Variants in TMEM131L observed in about 807,000 individuals in gnomAD.
The protein encoded by TMEM131L is transmembrane protein 131-like.
A neutral mutation model predicts 192.2 loss-of-function variants in TMEM131L; 54 were observed. The ratio of observed to expected loss-of-function variants is 0.28; its 90% CI spans 0.23 to 0.35. TMEM131L has a LOEUF of 0.35. Among genes scored for constraint, TMEM131L ranks in the 10% least tolerant of loss-of-function variants. The probability of loss-of-function intolerance (pLI) is 1.00; values close to 1 mark genes in which losing one functional copy is unlikely to be tolerated. For synonymous variants in TMEM131L, 701 were observed against 704.9 expected, an observed-to-expected ratio of 0.99 and a Z score of 0.09; for missense variants, 1,888 against 1,972.9, an observed-to-expected ratio of 0.96 and a Z score of 0.82.
chr4:153,594,002 C>A, intron 19 of TMEM131L, 131 bp downstream of exon 19: 1 of 658,582 alleles, frequency 1.5e-6, no homozygotes, highest in Non-Finnish European at 2.7e-6. Flanking sequence ...ATTCTCTGGG[C>A]ATTAACGATA....
chr4:153,624,919 A>G (rs2126797827), intron 29 of TMEM131L, among the ~76,000 whole-genome samples: 1 of 152,352 alleles, frequency 6.6e-6, no homozygotes, highest in East Asian at 1.9e-4. Context: ...ATGAAAACCT[A>G]GAGGAAGTGC....
At position 153,603,829 on chromosome 4, in the gene TMEM131L, A is replaced by G; in HGVS notation, c.2817A>G (p.Thr939=). 2.5e-6 allele frequency: 4 copies of G among 1,605,822 alleles called. No homozygotes were observed. The highest frequency in any genetic ancestry group is 2.5e-6 in the Non-Finnish European group (3 of 1,177,536). Residue 939 remains threonine (T), a synonymous_variant, in exon 25 of 35, where the codon ACA becomes ACG. Transcript: ENST00000409959. ...GCAATTGCAAGAACTTTCTCGATAC[A>G]TATGGCCCCTCTGATAAAGGCAGGG... ...YKSNCKNFLD[T]YGPSDKGRGK... is the part of the protein sequence containing the mutation.
intron 3 of TMEM131L, among the ~76,000 whole-genome samples, chr4:153,532,652 T>C (rs185389142): frequency 6.6e-5 from 10 of 152,284 alleles, no homozygotes; most frequent in Admixed American, 5.9e-4. Context: ...ACGGACACTT[T>C]TTCTTTTTTT....
At chr4:153,558,581 C>T in intron 7 of TMEM131L, 2 of 353,498 alleles carry the variant, frequency 5.7e-6, no homozygotes, top group South Asian at 1.7e-4. Context: ...TATTGTTGGT[C>T]TTTTGAAATG....
Position 153,587,783 on chromosome 4 carries a change from G to GCA in TMEM131L, c.1525_1526dup (p.Tyr510IlefsTer61). On this transcript the variant is annotated frameshift_variant, in exon 15 of 35. Coordinates refer to ENST00000409959, the MANE Select transcript of TMEM131L (RefSeq NM_001131007.2). LOFTEE classifies it high-confidence loss of function. The stretch of plus-strand genomic sequence containing the variant: ...TTGAAGTGATAGCACATTGTGGCAT[G>GCA]CATTATTTCATGGGAAAATCAAAAG... The GCA allele has an allele frequency of 6.2e-7, 1 of 1,613,570 alleles. No individual in the cohort carries two copies. The highest frequency in any genetic ancestry group is 8.5e-7 in the Non-Finnish European group (1 of 1,179,500).
chr4:153,470,758 G>A (rs1375269675), intron 2 of TMEM131L, among the ~76,000 whole-genome samples: 1 of 152,170 alleles, frequency 6.6e-6, no homozygotes, highest in Non-Finnish European at 1.5e-5. Context: ...CATAGGTGAT[G>A]TCCACCTGAC....
At position 153,606,178 on chromosome 4, in the gene TMEM131L, A is replaced by G. The variant is rs563889919; in HGVS notation, c.3418+1748A>G. ...CTCCCAGACACTCTCTGGGGTCTAG[A>G]ATACAAAACATTTGTGAAAAGGTGA... On this transcript the variant is annotated intron_variant, in intron 25 of 34. Transcript: ENST00000409959. 2.0e-5 allele frequency among the ~76,000 whole-genome samples: 3 copies of G among 152,308 alleles called. No individual in the cohort carries two copies. The East Asian group carries it at 5.8e-4, about 29-fold the overall frequency.
At chr4:153,499,522 G>T (rs986492219) in intron 3 of TMEM131L, among the ~76,000 whole-genome samples, 1 of 151,758 alleles carries the variant, frequency 6.6e-6, no homozygotes, top group Non-Finnish European at 1.5e-5. Context: ...TGCCTCCTGG[G>T]TTCAAGTGAT....
At chr4:153,559,206 A>C (rs941726075) in intron 7 of TMEM131L, among the ~76,000 whole-genome samples, 1 of 152,176 alleles carries the variant, frequency 6.6e-6, no homozygotes, top group Admixed American at 6.5e-5. Flanking sequence ...AGAAGAACCA[A>C]ATTAATTTAC....
chr4:153,542,667 T>C (rs2150346197), intron 3 of TMEM131L, among the ~76,000 whole-genome samples: 1 of 152,356 alleles, frequency 6.6e-6, no homozygotes, highest in African/African-American at 2.4e-5. Flanking sequence ...GCTGTCATTG[T>C]TACATCACCT....
chr4:153,502,850 A>G (rs892882646), intron 3 of TMEM131L, among the ~76,000 whole-genome samples: 1 of 152,182 alleles, frequency 6.6e-6, no homozygotes, highest in Non-Finnish European at 1.5e-5. Context: ...TGAGAAATCT[A>G]TGTCTTAGGT....
At chr4:153,598,066 G>A (rs111821991) in intron 20 of TMEM131L, among the ~76,000 whole-genome samples, 2,081 of 151,392 alleles carry the variant, frequency 0.014, 23 homozygotes, top group Non-Finnish European at 0.019. Flanking sequence ...TTATTTATGG[G>A]GTAATATTTT....
intron 23 of TMEM131L, 43 bp downstream of exon 23, chr4:153,602,770 A>G (rs374853797): frequency 4.7e-5 from 74 of 1,579,168 alleles, no homozygotes; most frequent in Non-Finnish European, 6.4e-5. Flanking sequence ...TGAGTAGAGA[A>G]GTCATCCAGG....
At chr4:153,598,794 A>T (rs1731626925) in intron 21 of TMEM131L, 62 bp downstream of exon 21, 15 of 1,271,004 alleles carry the variant, frequency 1.2e-5, no homozygotes, top group Non-Finnish European at 1.5e-5. Context: ...GAGTGAAAGG[A>T]TTCTATAAAT....
intron 7 of TMEM131L, among the ~76,000 whole-genome samples, chr4:153,568,130 C>A (rs899324142): frequency 6.6e-6 from 1 of 152,062 alleles, no homozygotes; most frequent in African/African-American, 2.4e-5. Context: ...GCTTAAACTT[C>A]TAAAAATTTT....
At chr4:153,544,199 G>A (rs1030406094) in intron 3 of TMEM131L, among the ~76,000 whole-genome samples, 1 of 152,210 alleles carries the variant, frequency 6.6e-6, no homozygotes, top group South Asian at 2.1e-4. Flanking sequence ...AACCCAGTTC[G>A]CTGAGGAATA....
chr4:153,515,997 T>C (rs1443458232), intron 3 of TMEM131L, among the ~76,000 whole-genome samples: 1 of 152,000 alleles, frequency 6.6e-6, no homozygotes, highest in Non-Finnish European at 1.5e-5. Flanking sequence ...TCACACAGCG[T>C]TGGGATTATA....
intron 26 of TMEM131L, among the ~76,000 whole-genome samples, chr4:153,617,859 C>T (rs964215886): frequency 8.4e-5 from 11 of 130,262 alleles, no homozygotes; most frequent in East Asian, 4.2e-4. Flanking sequence ...ACGAGCTCTT[C>T]GTGGTTTTTT....
chr4:153,527,186 A>G (rs540308953), intron 3 of TMEM131L, among the ~76,000 whole-genome samples: 1 of 152,272 alleles, frequency 6.6e-6, no homozygotes, highest in East Asian at 1.9e-4. Context: ...GTGACTGACA[A>G]TAGTAAATGA....
Sources: gnomAD v4.1 joint callset for allele counts (sites outside exome capture counted in the v4.1 genomes callset) on GRCh38, gnomAD v4.1.1 for gene constraint, MANE v1.5 for transcripts, NCBI Gene and HGNC (gene_info 2026-07-23, HGNC 2026-07-21) for gene names.